The following SNTG1 variants were observed in gnomAD, a reference collection of about 807,000 sequenced individuals.
The protein encoded by SNTG1 is gamma-1-syntrophin.
In SNTG1, 39 loss-of-function variants were observed where a neutral mutation model predicts 74.7. The observed-to-expected ratio is 0.52, with a 90% CI of 0.40 to 0.68. The LOEUF is 0.68. Among genes scored for constraint, SNTG1 ranks in the 30% least tolerant of loss-of-function variants. The pLI is 0.00. For synonymous variants in SNTG1, 254 were observed against 217.1 expected (o/e 1.17, Z -1.49); for missense variants, 685 against 609.5 (o/e 1.12, Z -1.30).
At chr8:49,959,310 G>C (rs1810473341) in intron 1 of SNTG1, among the ~76,000 whole-genome samples, 1 of 152,118 alleles carries the variant, frequency 6.6e-6, no homozygotes, top group African/African-American at 2.4e-5. Flanking sequence ...TGTTATTCTT[G>C]ATTAAATGTC....
chr8:49,946,153 T>C (rs1002897378), intron 1 of SNTG1, among the ~76,000 whole-genome samples: 11 of 152,188 alleles, frequency 7.2e-5, no homozygotes, highest in African/African-American at 2.7e-4. Flanking sequence ...TAGGAAGTAC[T>C]TTCCTAAAGG....
chr8:50,526,971 A>G (rs1275192524), intron 9 of SNTG1, among the ~76,000 whole-genome samples: 2 of 152,162 alleles, frequency 1.3e-5, no homozygotes, highest in African/African-American at 2.4e-5. Context: ...CCAGAAAGGT[A>G]TGCAAGCACT....
intron 8 of SNTG1, among the ~76,000 whole-genome samples, chr8:50,500,752 G>A (rs926476789): frequency 2.6e-5 from 4 of 152,136 alleles, no homozygotes; most frequent in Middle Eastern, 3.4e-3. Flanking sequence ...GTTTGGTGCT[G>A]CTTTGTTCTG....
intron 9 of SNTG1, among the ~76,000 whole-genome samples, chr8:50,505,121 A>G (rs1158834791): frequency 6.6e-6 from 1 of 152,204 alleles, no homozygotes; most frequent in Non-Finnish European, 1.5e-5. Flanking sequence ...TTCATTTAGC[A>G]TAATGTCCTT....
intron 2 of SNTG1, among the ~76,000 whole-genome samples, chr8:50,318,660 A>G (rs548418716): frequency 6.6e-6 from 1 of 152,314 alleles, no homozygotes; most frequent in South Asian, 2.1e-4. Context: ...TAGATTTGAG[A>G]AACTGAAGCT....
chr8:50,119,025 T>C lies in SNTG1; in HGVS notation c.-102-53536T>C, dbSNP rs1294897635. On this transcript the variant is annotated intron_variant, in intron 1 of 18. Coordinates refer to ENST00000642720, the MANE Select transcript of SNTG1 (RefSeq NM_018967.5). ...ACAGAAACTAATGAAGCTTTGGCCC[T>C]CCAAACTGCTGTGGTGGAGGCACAC... is the stretch of plus-strand genomic sequence containing the variant. 6.4e-5 allele frequency among the ~76,000 whole-genome samples: 9 copies of C among 140,434 alleles called. 1 individual carries two copies. In the Admixed American group the frequency reaches 6.7e-4, roughly 10 times the overall value. The allele number at this position is 140,434 out of a possible 152,430, so 92.1% of individuals were successfully genotyped here. A position where few individuals can be genotyped will look rare whatever the true frequency, so the allele number is the denominator to read the frequency against.
chr8:49,945,521 C>G (rs1038655469), intron 1 of SNTG1, among the ~76,000 whole-genome samples: 3 of 152,188 alleles, frequency 2.0e-5, no homozygotes, highest in Non-Finnish European at 2.9e-5. Flanking sequence ...AACAAAATGA[C>G]TTACAATAAG....
intron 1 of SNTG1, among the ~76,000 whole-genome samples, chr8:49,954,671 T>G (rs571322475): frequency 6.6e-6 from 1 of 152,300 alleles, no homozygotes; most frequent in African/African-American, 2.4e-5. Flanking sequence ...CATAAAATAC[T>G]GAGCCAGAGA....
At chr8:50,087,569 C>A (rs1193700465) in intron 1 of SNTG1, among the ~76,000 whole-genome samples, 1 of 152,100 alleles carries the variant, frequency 6.6e-6, no homozygotes, top group Non-Finnish European at 1.5e-5. Flanking sequence ...AATATCCTTA[C>A]ATAGCCAAAC....
At chr8:50,124,533 C>T (rs1290385838) in intron 1 of SNTG1, among the ~76,000 whole-genome samples, 1 of 142,414 alleles carries the variant, frequency 7.0e-6, no homozygotes, top group Non-Finnish European at 1.6e-5. Flanking sequence ...ATTAACGTTG[C>T]ATATTAATAA....
intron 17 of SNTG1, among the ~76,000 whole-genome samples, chr8:50,748,435 G>T (rs1473162041): frequency 6.6e-6 from 1 of 151,966 alleles, no homozygotes; most frequent in African/African-American, 2.4e-5. Flanking sequence ...AGGATCACTG[G>T]TGATATGTTA....
intron 1 of SNTG1, among the ~76,000 whole-genome samples, chr8:50,084,475 A>G (rs755261988): frequency 2.0e-5 from 3 of 152,170 alleles, no homozygotes; most frequent in Non-Finnish European, 2.9e-5. Context: ...AATAAAATAA[A>G]AAAAAGTAGA....
intron 2 of SNTG1, among the ~76,000 whole-genome samples, chr8:50,337,050 C>A (rs989558221): frequency 5.3e-5 from 8 of 152,124 alleles, no homozygotes; most frequent in Admixed American, 2.0e-4. Context: ...TATTGATAGT[C>A]CCCCTGGCTT....
intron 1 of SNTG1, among the ~76,000 whole-genome samples, chr8:49,986,662 C>T (rs1813182779): frequency 6.7e-6 from 1 of 149,258 alleles, no homozygotes; most frequent in Admixed American, 6.8e-5. Context: ...TGCTTGAGCT[C>T]AGGAGTTGGA....
intron 1 of SNTG1, among the ~76,000 whole-genome samples, chr8:49,939,373 G>C (rs1808472831): frequency 6.6e-6 from 1 of 152,218 alleles, no homozygotes; most frequent in Non-Finnish European, 1.5e-5. Context: ...CCAATAAATA[G>C]TTTAATTGAA....
intron 2 of SNTG1, chr8:50,286,427 T>C (rs2088788701): frequency 6.6e-6 from 1 of 152,208 alleles, no homozygotes; most frequent in Non-Finnish European, 1.5e-5. Flanking sequence ...TTGTGCCATT[T>C]ATGATCCCTG....
chr8:50,143,763 C>T (rs1453443959), intron 1 of SNTG1, among the ~76,000 whole-genome samples: 1 of 152,118 alleles, frequency 6.6e-6, no homozygotes, highest in Non-Finnish European at 1.5e-5. Context: ...TCACATATTC[C>T]TGAGTACAAC....
intron 15 of SNTG1, among the ~76,000 whole-genome samples, chr8:50,687,366 A>G (rs1231932840): frequency 1.3e-5 from 2 of 152,228 alleles, no homozygotes; most frequent in Non-Finnish European, 2.9e-5. Context: ...TGAATGGATA[A>G]AAACAAAACC....
rs561651794 is a variant in SNTG1, at chr8:50,123,715, C to A, written c.-102-48846C>A. The stretch of plus-strand genomic sequence containing the variant: ...TGTTTTTCCTACTGGGAAAGGGTGA[C>A]ATTGTAGAGGCCAAAAGAAGGGACA... On this transcript the variant is annotated intron_variant, in intron 1 of 18. Transcript: ENST00000642720. 1.2e-4 allele frequency among the ~76,000 whole-genome samples: 17 copies of A among 142,112 alleles called. 4 individuals carry two copies. The South Asian group carries it at 3.4e-3, about 28-fold the overall frequency. 93.2% of individuals were successfully genotyped at this position (142,112 alleles called of 152,430 possible).
Sources: allele counts gnomAD v4.1 joint callset (sites outside exome capture counted in the v4.1 genomes callset), GRCh38; gene constraint gnomAD v4.1.1; transcripts MANE v1.5; gene names NCBI Gene and HGNC (gene_info 2026-07-23, HGNC 2026-07-21).